CIROZ: variants seen among roughly 807,000 people sequenced by gnomAD.
CIROZ encodes the protein ciliated left-right organizer protein containing ZP-N domains.
At chr1:10,968,342 A>G in the CIROZ span, among the ~76,000 whole-genome samples, 1 of 152,290 alleles carries the variant, frequency 6.6e-6, no homozygotes. Flanking sequence ...TTCACTTTCA[A>G]ATGCTTGACT....
the CIROZ span, chr1:10,957,596 G>A: frequency 6.2e-7 from 1 of 1,612,936 alleles, no homozygotes; most frequent in Non-Finnish European, 8.5e-7. Flanking sequence ...TCCTGGCAGA[G>A]CCTGCTGCCC....
chr1:10,960,185 C>A, the CIROZ span, among the ~76,000 whole-genome samples: 7 of 152,110 alleles, frequency 4.6e-5, no homozygotes, highest in East Asian at 1.2e-3. This position sits in a 1 kb window ranked among gnomAD's most constrained non-coding sequence, Gnocchi z 4.6. Flanking sequence ...CTCAGGAGTT[C>A]CAGACCAGCC....
chr1:10,948,934 G>T, the CIROZ span: 2 of 1,290,868 alleles, frequency 1.5e-6, no homozygotes, highest in East Asian at 2.5e-5. Context: ...CCCAAAGATG[G>T]GTTCGAGGGA....
At chr1:10,958,198 A>C in the CIROZ span, among the ~76,000 whole-genome samples, 1 of 152,178 alleles carries the variant, frequency 6.6e-6, no homozygotes, top group African/African-American at 2.4e-5. Flanking sequence ...CTCCCATCTC[A>C]GGAGGACTGG....
At chr1:10,964,214 G>A in the CIROZ span, 24 of 1,613,978 alleles carry the variant, frequency 1.5e-5, no homozygotes, top group Middle Eastern at 8.2e-4. Flanking sequence ...CGATCACTCC[G>A]CTCCAACCCC....
chr1:10,969,954 A>G, the CIROZ span: 2 of 1,521,984 alleles, frequency 1.3e-6, no homozygotes. Flanking sequence ...CCGCCCAGCC[A>G]CCGACCACCT....
the CIROZ span, among the ~76,000 whole-genome samples, chr1:10,952,537 T>C: frequency 1.3e-5 from 2 of 152,218 alleles, no homozygotes; most frequent in Admixed American, 1.3e-4. Flanking sequence ...TTTTTGGTTT[T>C]GTTTCTGTTT....
At chr1:10,977,616 A>T in the CIROZ span, among the ~76,000 whole-genome samples, 3 of 152,350 alleles carry the variant, frequency 2.0e-5, no homozygotes, top group African/African-American at 7.2e-5. Flanking sequence ...CTAGATCAGG[A>T]TGCAAATAGA....
the CIROZ span, among the ~76,000 whole-genome samples, chr1:10,951,729 T>A: frequency 2.4e-4 from 26 of 110,170 alleles, no homozygotes; most frequent in Middle Eastern, 4.5e-3. Flanking sequence ...TGTCTCTTAT[T>A]TAAAAAAAAA....
At chr1:10,980,592 C>T in the CIROZ span, among the ~76,000 whole-genome samples, 1 of 152,230 alleles carries the variant, frequency 6.6e-6, no homozygotes, top group Non-Finnish European at 1.5e-5. Flanking sequence ...AGGAAAGTGG[C>T]TGACTCTGGT....
chr1:10,947,225 C>T, the CIROZ span, among the ~76,000 whole-genome samples: 3 of 152,226 alleles, frequency 2.0e-5, no homozygotes, highest in African/African-American at 7.2e-5. Flanking sequence ...TCCTGGCAGG[C>T]CTGGCTGCAA....
the CIROZ span, among the ~76,000 whole-genome samples, chr1:10,955,810 C>T: frequency 6.7e-6 from 1 of 148,438 alleles, no homozygotes; most frequent in East Asian, 2.0e-4. Context: ...CACCACTGCA[C>T]TCCCACCTGG....
chr1:10,947,798 GT>G, the CIROZ span: 1 of 1,600,062 alleles, frequency 6.2e-7, no homozygotes, highest in Admixed American at 1.7e-5. Context: ...CCTGGAAGGG[GT>G]ATTCAAGCTC....
At chr1:10,949,840 C>A in the CIROZ span, 1 of 1,514,826 alleles carries the variant, frequency 6.6e-7, no homozygotes, top group Non-Finnish European at 8.9e-7. Flanking sequence ...CAGAGGTCAG[C>A]CTTCCTCCTA....
At chr1:10,949,558 C>G in the CIROZ span, 1 of 1,539,482 alleles carries the variant, frequency 6.5e-7, no homozygotes, top group Non-Finnish European at 8.8e-7. Context: ...CTGGGTCTAC[C>G]GATACTTCTT....
the CIROZ span, among the ~76,000 whole-genome samples, chr1:10,973,092 G>T: frequency 7.2e-5 from 11 of 152,344 alleles, no homozygotes; most frequent in African/African-American, 2.4e-4. Context: ...CTAAAGTCAG[G>T]CCAGGTGCAG....
chr1:10,975,447 G>A, the CIROZ span, among the ~76,000 whole-genome samples: 1 of 150,302 alleles, frequency 6.7e-6, no homozygotes, highest in East Asian at 1.9e-4. Context: ...AAATTAGCCA[G>A]GTGTGGTGGT....
the CIROZ span, among the ~76,000 whole-genome samples, chr1:10,950,298 G>A: frequency 3.3e-5 from 5 of 152,104 alleles, no homozygotes; most frequent in South Asian, 2.1e-4. Flanking sequence ...GCCTGTTAAA[G>A]TGCTGGGATT....
the CIROZ span, among the ~76,000 whole-genome samples, chr1:10,968,142 AAGTGAGACTCCGTC>A: frequency 3.3e-5 from 5 of 149,320 alleles, no homozygotes; most frequent in African/African-American, 1.3e-4. Flanking sequence ...CTGGGCAACA[AAGTGAGACTCCGTC>A]TCAATAAATA....
Sources: gnomAD v4.1 joint callset for allele counts (sites outside exome capture counted in the v4.1 genomes callset) on GRCh38, gnomAD v4.1.1 for gene constraint, Gnocchi (gnomAD v3.1) non-coding constraint, MANE v1.5 for transcripts, NCBI Gene and HGNC (gene_info 2026-07-23, HGNC 2026-07-21) for gene names.